MDGA2: variants seen among roughly 807,000 people sequenced by gnomAD.
The protein encoded by MDGA2 is MAM domain containing glycosylphosphatidylinositol anchor 2, also known as MAM domain-containing glycosylphosphatidylinositol anchor protein 2.
MDGA2 carries 40 observed loss-of-function variants against 117.8 expected under a neutral mutation model. The observed-to-expected ratio is 0.34, with a 90% CI of 0.26 to 0.44. The LOEUF is 0.44. Ranked by LOEUF, MDGA2 falls within the 20% of genes least tolerant of loss-of-function variation. The pLI is 1.00. For synonymous variants in MDGA2, 452 were observed against 439.0 expected (o/e 1.03, Z -0.37); for missense variants, 1,123 against 1,250.6 (o/e 0.90, Z 1.54).
At chr14:47,355,175 A>G (rs918226835) in intron 1 of MDGA2, among the ~76,000 whole-genome samples, 5 of 152,144 alleles carry the variant, frequency 3.3e-5, no homozygotes, top group Non-Finnish European at 5.9e-5. Context: ...TCTTTTACAC[A>G]TCAGAGAAGT....
At chr14:47,217,667 C>T (rs1276943956) in intron 3 of MDGA2, among the ~76,000 whole-genome samples, 4 of 151,864 alleles carry the variant, frequency 2.6e-5, no homozygotes, top group Non-Finnish European at 1.5e-5. Flanking sequence ...AAAGAATATA[C>T]AGCATGATCC....
intron 2 of MDGA2, among the ~76,000 whole-genome samples, chr14:47,248,867 T>C (rs1213958837): frequency 1.3e-5 from 2 of 152,152 alleles, no homozygotes; most frequent in Non-Finnish European, 2.9e-5. Context: ...AAAATTAGTA[T>C]ATTTGGTGAT....
chr14:47,299,891 A>G (rs562625738), intron 2 of MDGA2, among the ~76,000 whole-genome samples: 53 of 152,252 alleles, frequency 3.5e-4, no homozygotes, highest in Non-Finnish European at 6.6e-4. Context: ...TTGAAATTTT[A>G]GTTATCGTGA....
chr14:47,130,360 C>T (rs1047802454), intron 5 of MDGA2, among the ~76,000 whole-genome samples: 1 of 152,110 alleles, frequency 6.6e-6, no homozygotes, highest in African/African-American at 2.4e-5. Flanking sequence ...ATCCTTTCCC[C>T]CATTGCTTGT....
intron 1 of MDGA2, among the ~76,000 whole-genome samples, chr14:47,666,935 G>C (rs937638176): frequency 3.3e-5 from 5 of 152,076 alleles, no homozygotes; most frequent in Non-Finnish European, 5.9e-5. Flanking sequence ...AAGGTCTGCA[G>C]CTTCACTCCT....
At chr14:46,891,489 C>T (rs1882882269) in intron 10 of MDGA2, among the ~76,000 whole-genome samples, 1 of 151,238 alleles carries the variant, frequency 6.6e-6, no homozygotes, top group African/African-American at 2.4e-5. Context: ...TTTTAACTTT[C>T]AGAGCACATT....
chr14:47,172,880 C>A (rs546450561), intron 3 of MDGA2, among the ~76,000 whole-genome samples: 2 of 152,132 alleles, frequency 1.3e-5, no homozygotes, highest in East Asian at 1.9e-4. Flanking sequence ...AAACCAAAGG[C>A]AAAGAAGTTA....
intron 1 of MDGA2, among the ~76,000 whole-genome samples, chr14:47,652,639 G>A (rs1897666120): frequency 6.6e-6 from 1 of 152,052 alleles, no homozygotes; most frequent in Non-Finnish European, 1.5e-5. Context: ...ATTATTTGCT[G>A]AGTTAAAACA....
chr14:46,930,673 A>C (rs976101134), intron 9 of MDGA2, among the ~76,000 whole-genome samples: 3 of 152,200 alleles, frequency 2.0e-5, no homozygotes, highest in African/African-American at 7.2e-5. Flanking sequence ...AGGATTATTC[A>C]TAAAATCCCT....
intron 1 of MDGA2, among the ~76,000 whole-genome samples, chr14:47,636,506 G>A (rs771199971): frequency 2.0e-5 from 3 of 152,052 alleles, no homozygotes; most frequent in African/African-American, 4.8e-5. Context: ...TGAGTGGGCC[G>A]GGTGCAGTAG....
intron 14 of MDGA2, among the ~76,000 whole-genome samples, chr14:46,857,354 C>T (rs1881308532): frequency 6.6e-6 from 1 of 152,068 alleles, no homozygotes; most frequent in Admixed American, 6.6e-5. Flanking sequence ...ATTCTCATTT[C>T]TCTCATATTT....
At chr14:46,901,828 A>G (rs115258833) in intron 10 of MDGA2, among the ~76,000 whole-genome samples, 149 of 152,290 alleles carry the variant, frequency 9.8e-4, no homozygotes, top group African/African-American at 3.5e-3. Flanking sequence ...CCACATTGGC[A>G]TGGCAGTCTT....
chr14:46,927,064 A>G (rs1566528922), intron 9 of MDGA2, among the ~76,000 whole-genome samples: 1 of 152,122 alleles, frequency 6.6e-6, no homozygotes, highest in Non-Finnish European at 1.5e-5. Flanking sequence ...CTGGAAAAGG[A>G]GTCAAAAATT....
intron 1 of MDGA2, among the ~76,000 whole-genome samples, chr14:47,477,792 C>T (rs17118756): frequency 0.11 from 16,349 of 152,104 alleles, 970 homozygotes; most frequent in Middle Eastern, 0.15. Context: ...TAGCTTTAAT[C>T]GAGAAAAAAA....
At chr14:47,561,163 G>GTTTTTTT (rs1309865250) in intron 1 of MDGA2, among the ~76,000 whole-genome samples, 6 of 83,882 alleles carry the variant, frequency 7.2e-5, no homozygotes, top group Admixed American at 1.3e-4. Flanking sequence ...GTTTTGTTTT[G>GTTTTTTT]TTTTTTTGTT....
chr14:47,222,017 C>T (rs1299567862), intron 2 of MDGA2, among the ~76,000 whole-genome samples: 1 of 151,758 alleles, frequency 6.6e-6, no homozygotes, highest in African/African-American at 2.4e-5. Flanking sequence ...TTATTATTAA[C>T]TAGAGTCACC....
chr14:47,208,490 G>C (rs1594723465), intron 3 of MDGA2, among the ~76,000 whole-genome samples: 3 of 150,258 alleles, frequency 2.0e-5, no homozygotes, highest in Admixed American at 2.0e-4. Context: ...CATTTTATTA[G>C]CTCACTTTAC....
chr14:47,597,436 T>C (rs1451897663), intron 1 of MDGA2, among the ~76,000 whole-genome samples: 4 of 152,132 alleles, frequency 2.6e-5, no homozygotes, highest in Admixed American at 2.0e-4. Flanking sequence ...AAATTCTTTT[T>C]CAATAATGAA....
At chr14:47,056,226 G>A (rs1025976647) in intron 7 of MDGA2, among the ~76,000 whole-genome samples, 2 of 152,050 alleles carry the variant, frequency 1.3e-5, no homozygotes, top group African/African-American at 4.8e-5. Context: ...CATTTTTTCT[G>A]TTGCCCTCCT....
Sources: allele counts gnomAD v4.1 joint callset (sites outside exome capture counted in the v4.1 genomes callset), GRCh38; gene constraint gnomAD v4.1.1; transcripts MANE v1.5; gene names NCBI Gene and HGNC (gene_info 2026-07-23, HGNC 2026-07-21).